SHROOM3: variants seen among roughly 807,000 people sequenced by gnomAD.
The protein encoded by SHROOM3 is shroom family member 3, also known as protein Shroom3.
A neutral mutation model predicts 138.6 loss-of-function variants in SHROOM3; 47 were observed. The observed-to-expected ratio is 0.34, with a 90% CI of 0.27 to 0.43. SHROOM3 has a LOEUF of 0.43. SHROOM3 is among the 20% of genes least tolerant of loss of function. SHROOM3 has a pLI of 1.00. For missense variants in SHROOM3, 2,491 were observed against 2,596.5 expected (o/e 0.96, Z 0.88); for synonymous variants, 1,062 against 1,063.3 (o/e 1.00, Z 0.02).
chr4:76,548,893 G>A (rs983514978), intron 1 of SHROOM3, among the ~76,000 whole-genome samples: 3 of 151,954 alleles, frequency 2.0e-5, no homozygotes, highest in African/African-American at 7.3e-5. Flanking sequence ...TGCACACGGT[G>A]TGTTATCTGA....
chr4:76,735,559 G>A (rs1721014187), intron 4 of SHROOM3, among the ~76,000 whole-genome samples: 2 of 151,686 alleles, frequency 1.3e-5, no homozygotes, highest in South Asian at 4.2e-4. Flanking sequence ...GATATGTTAG[G>A]CTGGGCACGG....
Position 76,486,692 on chromosome 4 carries a change from C to A in SHROOM3, c.168+50472C>A, listed in dbSNP as rs542493500. Among the ~76,000 whole-genome samples, 70 of 152,296 alleles carry A rather than the reference C, an allele frequency of 4.6e-4. 1 individual carries two copies. In the South Asian group the frequency reaches 0.015, roughly 32 times the overall value. On this transcript the variant is annotated intron_variant, in intron 1 of 10. Transcript: ENST00000296043. ...TACTCTGCATGACTCCTGGGGGCAT[C>A]ATTCACATAGATTCCTAAAGGAATG...
At chr4:76,646,320 A>G (rs1735821223) in intron 2 of SHROOM3, among the ~76,000 whole-genome samples, 1 of 150,240 alleles carries the variant, frequency 6.7e-6, no homozygotes, top group African/African-American at 2.5e-5. Context: ...TGCTGTCCCA[A>G]AACTTCAATT....
At chr4:76,473,854 C>T (rs72657874) in intron 1 of SHROOM3, among the ~76,000 whole-genome samples, 7,814 of 152,248 alleles carry the variant, frequency 0.051, 247 homozygotes, top group African/African-American at 0.083. Context: ...AAAACTCTCA[C>T]ACATTGCTGG....
At chr4:76,576,097 C>T (rs979530535) in intron 2 of SHROOM3, among the ~76,000 whole-genome samples, 17 of 152,046 alleles carry the variant, frequency 1.1e-4, no homozygotes, top group African/African-American at 4.1e-4. Context: ...CAAGGTTTCT[C>T]AAAAACCTAA....
chr4:76,689,044 T>A, intron 2 of SHROOM3: 1 of 674,636 alleles, frequency 1.5e-6, no homozygotes, highest in Non-Finnish European at 1.8e-6. Context: ...GTATAGCCTC[T>A]GAAAAGCGAG....
rs1195705389 is a variant in SHROOM3, at chr4:76,436,122, A to C, written c.70A>C (p.Arg24=). 1 of 1,613,950 alleles carries C rather than the reference A, an allele frequency of 6.2e-7. No homozygotes were observed. The highest frequency in any genetic ancestry group is 1.3e-5 in the African/African-American group (1 of 74,916). Residue 24 remains arginine (R), a synonymous_variant, in exon 1 of 11, where the codon AGG becomes CGG. Transcript: ENST00000296043. Reference sequence around the variant, plus strand: ...AAACTCTAACACGGCCACCAAGGGAAGGTACATTTATCTGGAGGCATTCCT... The same window carrying C: ...AAACTCTAACACGGCCACCAAGGGACGGTACATTTATCTGGAGGCATTCCT... The part of the protein sequence containing the change: ...TLNSNTATKG[R]YIYLEAFLEG...
intron 2 of SHROOM3, among the ~76,000 whole-genome samples, chr4:76,576,914 A>T (rs1186596333): frequency 6.6e-6 from 1 of 152,170 alleles, no homozygotes; most frequent in Non-Finnish European, 1.5e-5. Context: ...ATTAAAGCAA[A>T]AATAAAAACT....
At chr4:76,720,575 C>G (rs570317175) in intron 3 of SHROOM3, among the ~76,000 whole-genome samples, 4 of 149,762 alleles carry the variant, frequency 2.7e-5, no homozygotes, top group Admixed American at 6.6e-5. Context: ...ATCTATTATT[C>G]TATACTAAAG....
intron 3 of SHROOM3, among the ~76,000 whole-genome samples, chr4:76,716,931 T>A (rs1361575850): frequency 6.6e-6 from 1 of 152,238 alleles, no homozygotes; most frequent in African/African-American, 2.4e-5. Flanking sequence ...GCACTTCCTT[T>A]TTTTACACAG....
intron 2 of SHROOM3, among the ~76,000 whole-genome samples, chr4:76,630,274 C>G (rs1304258152): frequency 6.6e-6 from 1 of 152,156 alleles, no homozygotes; most frequent in Admixed American, 6.5e-5. Context: ...ACAGCGGGAC[C>G]AGGAGTGCCT....
In SHROOM3 at chr4:76,754,406, G is replaced by C; in HGVS notation, c.3923G>C (p.Gly1308Ala). The C allele has an allele frequency of 6.2e-7, 1 of 1,614,130 alleles. No homozygotes were observed. Among genetic ancestry groups the C allele is most frequent in the Non-Finnish European group, 8.5e-7 (1 of 1,180,018 alleles). ...GGTGGTTCAGGCTGCAAAGCCATTG[G>C]TGATTCCTCCGTTCCTAGTGAATGT... ...RWGGSGCKAI[G>A]DSSVPSECPG... Residue 1308 changes from glycine to alanine, a missense_variant, in exon 7 of 11, where the codon GGT becomes GCT. Gly to Ala is a moderately conservative substitution (Grantham distance 60, BLOSUM62 0). This residue lies in a region of SHROOM3 where 1,733 missense variants were observed against 1,661.6 expected (regional missense o/e 1.04). Transcript: ENST00000296043.
At chr4:76,731,732 G>T (rs997945690) in intron 4 of SHROOM3, among the ~76,000 whole-genome samples, 2 of 150,674 alleles carry the variant, frequency 1.3e-5, no homozygotes, top group African/African-American at 2.4e-5. Context: ...AGTGAGCTCA[G>T]ATCACGCCAC....
At chr4:76,503,194 CACAT>C (rs1732137739) in intron 1 of SHROOM3, among the ~76,000 whole-genome samples, 2 of 151,502 alleles carry the variant, frequency 1.3e-5, no homozygotes, top group African/African-American at 4.9e-5. Context: ...CACACACACA[CACAT>C]GCCTAGAGTT....
intron 1 of SHROOM3, among the ~76,000 whole-genome samples, chr4:76,465,782 T>C (rs1333600016): frequency 6.6e-6 from 1 of 152,184 alleles, no homozygotes; most frequent in Non-Finnish European, 1.5e-5. Flanking sequence ...GACTATTAGA[T>C]TGTTGACAAA....
chr4:76,753,399 C>T (rs1054422588), intron 6 of SHROOM3, among the ~76,000 whole-genome samples: 2 of 152,176 alleles, frequency 1.3e-5, no homozygotes, highest in Non-Finnish European at 2.9e-5. Context: ...ACTGAGTCAC[C>T]ACTCCCTCAG....
chr4:76,763,368 C>T (rs1479841796), intron 9 of SHROOM3, among the ~76,000 whole-genome samples: 1 of 151,002 alleles, frequency 6.6e-6, no homozygotes, highest in African/African-American at 2.4e-5. Context: ...GACTGGGCGA[C>T]AGAGCGAGAC....
rs1056789521 is a variant in SHROOM3, at chr4:76,775,348, C to T, written c.5623-3461C>T. ...TGTGTGTGTGTGTGTGTGTGTAAACCACAATGTGATACCACCTTACTCCTG... is the reference window on the plus strand; with the variant it reads ...TGTGTGTGTGTGTGTGTGTGTAAACTACAATGTGATACCACCTTACTCCTG... On this transcript the variant is annotated intron_variant, in intron 10 of 10. Coordinates refer to ENST00000296043, the MANE Select transcript of SHROOM3 (RefSeq NM_020859.4). 1.9e-4 allele frequency among the ~76,000 whole-genome samples: 23 copies of T among 118,866 alleles called. No individual in the cohort carries two copies. The East Asian group carries it at 5.6e-3, about 29-fold the overall frequency. 78.0% of individuals were successfully genotyped at this position (118,866 alleles called of 152,430 possible).
intron 2 of SHROOM3, among the ~76,000 whole-genome samples, chr4:76,675,446 T>G (rs1719002864): frequency 6.6e-6 from 1 of 152,236 alleles, no homozygotes; most frequent in Non-Finnish European, 1.5e-5. Flanking sequence ...GAATGTTTAT[T>G]GGAGATCTAT....
Sources: gnomAD v4.1 joint callset for allele counts (sites outside exome capture counted in the v4.1 genomes callset) on GRCh38, gnomAD v4.1.1 for gene constraint, gnomAD v4.1.1 regional missense constraint, MANE v1.5 for transcripts, NCBI Gene and HGNC (gene_info 2026-07-23, HGNC 2026-07-21) for gene names.